Variants in ADAMTS15 observed in about 807,000 individuals in gnomAD.
The protein encoded by ADAMTS15 is ADAM metallopeptidase with thrombospondin type 1 motif 15.
A neutral mutation model predicts 79.1 loss-of-function variants in ADAMTS15; 35 were observed. The ratio of observed to expected loss-of-function variants is 0.44; its 90% CI spans 0.34 to 0.59. ADAMTS15 has a LOEUF of 0.59. ADAMTS15 is among the 20% of genes least tolerant of loss of function. The pLI, the probability that ADAMTS15 is intolerant of heterozygous loss-of-function variation, is 0.02. For synonymous variants in ADAMTS15, 616 were observed against 567.3 expected (o/e 1.09, Z -1.22); for missense variants, 1,324 against 1,318.7 (o/e 1.00, Z -0.06).
rs140984314 is a variant in ADAMTS15, at chr11:130,462,729, G to T, written c.1491G>T (p.Lys497Asn). 102 of 1,607,336 alleles carry T rather than the reference G, an allele frequency of 6.3e-5. No individual in the cohort carries two copies. Among genetic ancestry groups the T allele is most frequent in the Non-Finnish European group, 7.9e-5 (93 of 1,174,580 alleles). Residue 497 changes from lysine (K) to asparagine (N), a missense_variant, in exon 4 of 8, where the codon AAG becomes AAT. Lys to Asn is a moderately conservative substitution (Grantham distance 94). Coordinates refer to ENST00000299164, the MANE Select transcript of ADAMTS15 (RefSeq NM_139055.4). The surrounding 1 kb of genome is among the most constrained non-coding windows in gnomAD (Gnocchi z 4.3). ...ATGGCACCAGCTGTGGCGAGGGCAA[G>T]CTCTGCCTCAAAGGGGCCTGCGTGG... is the stretch of plus-strand genomic sequence containing the variant. ...WADGTSCGEG[K>N]LCLKGACVER...
At position 130,460,812 on chromosome 11, in the gene ADAMTS15, C is replaced by T. The variant is rs551452126; in HGVS notation, c.958-677C>T. 5.3e-5 allele frequency among the ~76,000 whole-genome samples: 8 copies of T among 152,298 alleles called. No homozygotes were observed. In the South Asian group the frequency reaches 8.3e-4, roughly 16 times the overall value. On this transcript the variant is annotated intron_variant, in intron 1 of 7. Coordinates refer to ENST00000299164, the MANE Select transcript of ADAMTS15 (RefSeq NM_139055.4). ...GGCCAAGTTAAGCTTCAGTACAAAA[C>T]GAGGGACCTTCCTGCTTAGGTGGCC...
At chr11:130,461,983 C>G in intron 2 of ADAMTS15, 104 bp from the exon 3 acceptor site, 2 of 1,345,156 alleles carry the variant, frequency 1.5e-6, no homozygotes, top group Non-Finnish European at 2.1e-6. Flanking sequence ...AATGACCAGC[C>G]TGAAAACCTC....
chr11:130,461,412 G>A (rs1938195392), intron 1 of ADAMTS15, 77 bp from the exon 2 acceptor site: 12 of 1,600,066 alleles, frequency 7.5e-6, no homozygotes, highest in Admixed American at 1.7e-5. Context: ...CCTATAGGAT[G>A]TCCTTTCTTC....
chr11:130,471,817 G>A lies in ADAMTS15; in HGVS notation c.2078+434G>A, dbSNP rs145659743. ...ACTAATATATTTCATGTGTGCTCTT[G>A]TGGGGAATAAGGGAGTTAGTCCAAG... On this transcript the variant is annotated intron_variant, in intron 7 of 7. Coordinates refer to ENST00000299164, the MANE Select transcript of ADAMTS15 (RefSeq NM_139055.4). Among the ~76,000 whole-genome samples, 305 of 152,344 alleles carry A rather than the reference G, an allele frequency of 2.0e-3. 1 individual carries two copies. Among genetic ancestry groups the A allele is most frequent in the African/African-American group, 7.1e-3 (296 of 41,574 alleles).
intron 4 of ADAMTS15, among the ~76,000 whole-genome samples, chr11:130,468,311 G>T (rs970433719): frequency 6.6e-6 from 1 of 152,178 alleles, no homozygotes; most frequent in African/African-American, 2.4e-5. Context: ...GCCCACTAGG[G>T]TGCTGTGGTG....
Position 130,473,905 on chromosome 11 carries a change from G to A in ADAMTS15, c.*84G>A, listed in dbSNP as rs1938523062. The A allele has an allele frequency of 6.9e-7, 1 of 1,459,008 alleles. No homozygotes were observed. The highest frequency in any genetic ancestry group is 9.0e-7 in the Non-Finnish European group (1 of 1,105,194). The allele number at this position is 1,459,008 out of a possible 1,614,324, so 90.4% of individuals were successfully genotyped here. ...CAGCTGGAGTAGCGGGCAGAGGACG[G>A]TGGCCAGGGGCTCACGCCACGATGT... On this transcript the variant is annotated 3_prime_UTR_variant, in exon 8 of 8. Transcript: ENST00000299164.
rs867712595 is a variant in ADAMTS15, at chr11:130,449,987, C to T, written c.957+57C>T. The stretch of plus-strand genomic sequence containing the variant: ...ATAGTCCCGTTCTTTAGGGTCACCT[C>T]CCCTAGCGCTCCAAATCCCCTTTGT... On this transcript the variant is annotated intron_variant, in intron 1 of 7. Coordinates refer to ENST00000299164, the MANE Select transcript of ADAMTS15 (RefSeq NM_139055.4). The surrounding 1 kb of genome is among the most constrained non-coding windows in gnomAD (Gnocchi z 7.8). 3.2e-6 allele frequency: 5 copies of T among 1,567,066 alleles called. No homozygotes were observed. Among genetic ancestry groups the T allele is most frequent in the Non-Finnish European group, 4.3e-6 (5 of 1,160,894 alleles).
chr11:130,459,687 G>C (rs1013644776), intron 1 of ADAMTS15, among the ~76,000 whole-genome samples: 1 of 152,186 alleles, frequency 6.6e-6, no homozygotes, highest in African/African-American at 2.4e-5. Context: ...GGTGCACCCG[G>C]GTTCAGGCTG....
rs762946720 is a variant in ADAMTS15 at position 130,473,634 on chromosome 11, C to T, written c.2666C>T (p.Ala889Val). ...GCCCATCGGCCCGTGGAGACACAAG[C>T]CTGCGGGGAGCCCTGCCCCACCTGG... is the stretch of plus-strand genomic sequence containing the variant. Reference protein sequence around the residue: ...DAAHRPVETQACGEPCPTWEL... With the variant: ...DAAHRPVETQVCGEPCPTWEL... Residue 889 changes from alanine to valine, a missense_variant, in exon 8 of 8, where the codon GCC becomes GTC. Ala to Val is a moderately conservative substitution (Grantham distance 64). Transcript: ENST00000299164. The T allele has an allele frequency of 2.7e-5, 43 of 1,608,572 alleles. No homozygotes were observed. The highest frequency in any genetic ancestry group is 1.5e-4 in the South Asian group (14 of 91,068).
chr11:130,473,826 G>C lies in ADAMTS15; in HGVS notation c.*5G>C. ...TGCGTCCTGAGGCCGTGCTGAGTGG[G>C]GTCATCGCTTTCTCCCCCTCACTCT... On this transcript the variant is annotated 3_prime_UTR_variant, in exon 8 of 8. Transcript: ENST00000299164. The C allele has an allele frequency of 6.3e-7, 1 of 1,585,426 alleles. No homozygotes were observed. The highest frequency in any genetic ancestry group is 8.5e-7 in the Non-Finnish European group (1 of 1,171,032).
intron 1 of ADAMTS15, among the ~76,000 whole-genome samples, chr11:130,456,088 T>A (rs1938072889): frequency 6.6e-6 from 1 of 152,206 alleles, no homozygotes; most frequent in Admixed American, 6.5e-5. Flanking sequence ...GACCCTGGGC[T>A]AGTTACTTAC....
rs1326700506 is a variant in ADAMTS15, at chr11:130,470,160, ATATATATATATATATATATATGTGTG to A, written c.1721-738_1721-713del. Among the ~76,000 whole-genome samples the A allele has an allele frequency of 3.7e-3, 214 of 57,262 alleles. 5 individuals are homozygous for A. The highest frequency in any genetic ancestry group is 4.5e-3 in the Non-Finnish European group (137 of 30,488). The allele number at this position is 57,262 out of a possible 152,430, so 37.6% of individuals were successfully genotyped here. A position where few individuals can be genotyped will look rare whatever the true frequency, so the allele number is the denominator to read the frequency against. On this transcript the variant is annotated intron_variant, in intron 5 of 7. Transcript: ENST00000299164. ...TATATATATATATATATGTGTATAT[ATATATATATATATATATATATGTGTG>A]TATATATATATATATATATATATGT...
Position 130,471,068 on chromosome 11 carries a change from T to C in ADAMTS15, c.1869T>C (p.Asn623=). The change falls in exon 6 of 8, where the codon AAT becomes AAC. Residue 623 remains asparagine (N), a synonymous_variant. Coordinates refer to ENST00000299164, the MANE Select transcript of ADAMTS15 (RefSeq NM_139055.4). The part of the protein sequence containing the change: ...RDKCKLICRA[N]GTGYFYVLAP... Reference sequence around the variant, plus strand: ...AGTGCAAGCTCATCTGCCGAGCCAATGGCACTGGCTACTTCTATGTGCTGG... The same window carrying C: ...AGTGCAAGCTCATCTGCCGAGCCAACGGCACTGGCTACTTCTATGTGCTGG... The C allele has an allele frequency of 1.2e-6, 2 of 1,614,078 alleles. No individual in the cohort carries two copies. The highest frequency in any genetic ancestry group is 1.7e-6 in the Non-Finnish European group (2 of 1,180,006).
At chr11:130,466,114 C>T (rs1045617601) in intron 4 of ADAMTS15, among the ~76,000 whole-genome samples, 7 of 152,194 alleles carry the variant, frequency 4.6e-5, no homozygotes, top group African/African-American at 1.4e-4. Flanking sequence ...CTCAGGTGAT[C>T]TGCTCACCTC....
chr11:130,450,712 C>T (rs968814368), intron 1 of ADAMTS15, among the ~76,000 whole-genome samples: 11 of 152,190 alleles, frequency 7.2e-5, no homozygotes, highest in African/African-American at 2.7e-4. Flanking sequence ...TCCAATTTTC[C>T]TGTATCCTTG....
At chr11:130,464,021 C>G (rs1384249825) in intron 4 of ADAMTS15, among the ~76,000 whole-genome samples, 1 of 152,094 alleles carries the variant, frequency 6.6e-6, no homozygotes, top group East Asian at 1.9e-4. Context: ...CAGAGCAAGG[C>G]AAGGAGGCGG....
intron 1 of ADAMTS15, among the ~76,000 whole-genome samples, chr11:130,452,713 T>C (rs1416013913): frequency 3.3e-5 from 5 of 152,244 alleles, no homozygotes; most frequent in African/African-American, 1.2e-4. Context: ...CCGGGCGCAG[T>C]GGCTCACGCC....
chr11:130,470,875 T>G, intron 5 of ADAMTS15, 45 bp from the exon 6 acceptor site: 2 of 1,587,250 alleles, frequency 1.3e-6, no homozygotes, highest in Non-Finnish European at 1.7e-6. Context: ...TGCACCGGCC[T>G]TGTCCCTTCC....
At chr11:130,469,178 C>G in intron 4 of ADAMTS15, 84 bp from the exon 5 acceptor site, 1 of 1,221,336 alleles carries the variant, frequency 8.2e-7, no homozygotes, top group African/African-American at 1.5e-5. Context: ...AACTTGGAGG[C>G]TGTACAGTGT....
Sources: gnomAD v4.1 joint callset for allele counts (sites outside exome capture counted in the v4.1 genomes callset) on GRCh38, gnomAD v4.1.1 for gene constraint, Gnocchi (gnomAD v3.1) non-coding constraint, MANE v1.5 for transcripts, NCBI Gene and HGNC (gene_info 2026-07-23, HGNC 2026-07-21) for gene names.